The following BRINP3 variants were observed in gnomAD, a reference collection of about 807,000 sequenced individuals.
The protein encoded by BRINP3 is BMP/retinoic acid inducible neural specific 3.
A neutral mutation model predicts 71.0 loss-of-function variants in BRINP3; 19 were observed. The observed-to-expected ratio is 0.27, with a 90% CI of 0.19 to 0.39. BRINP3 has a LOEUF of 0.39. Among genes scored for constraint, BRINP3 ranks in the 10% least tolerant of loss-of-function variants. BRINP3 has a pLI of 1.00. For synonymous variants in BRINP3, 380 were observed against 337.7 expected (o/e 1.13, Z -1.37); for missense variants, 959 against 940.8 (o/e 1.02, Z -0.25).
At chr1:190,273,066 A>G (rs888502858) in intron 3 of BRINP3, among the ~76,000 whole-genome samples, 1 of 145,112 alleles carries the variant, frequency 6.9e-6, no homozygotes, top group Non-Finnish European at 1.5e-5. Flanking sequence ...TTTTTTTTTC[A>G]ATTGTGCATA....
chr1:190,287,180 T>C (rs1045992729), intron 2 of BRINP3, among the ~76,000 whole-genome samples: 3 of 152,026 alleles, frequency 2.0e-5, no homozygotes, highest in African/African-American at 7.2e-5. Flanking sequence ...GAGCCAAAAT[T>C]GTGCCACTGT....
intron 2 of BRINP3, among the ~76,000 whole-genome samples, chr1:190,308,126 G>T (rs1665246460): frequency 6.6e-6 from 1 of 151,844 alleles, no homozygotes; most frequent in African/African-American, 2.4e-5. Flanking sequence ...TAAAACTGTG[G>T]CTTCGATAGT....
chr1:190,146,515 T>C (rs572951263), intron 7 of BRINP3, among the ~76,000 whole-genome samples: 1 of 152,234 alleles, frequency 6.6e-6, no homozygotes, highest in South Asian at 2.1e-4. Context: ...TCACCACCAT[T>C]ACTATCATCA....
At chr1:190,468,656 A>G (rs1291075394) in intron 1 of BRINP3, among the ~76,000 whole-genome samples, 2 of 151,196 alleles carry the variant, frequency 1.3e-5, no homozygotes, top group Non-Finnish European at 1.5e-5. Context: ...ACACTTAATA[A>G]GACAATAATC....
chr1:190,133,658 A>G (rs1191825616), intron 7 of BRINP3, among the ~76,000 whole-genome samples: 1 of 152,148 alleles, frequency 6.6e-6, no homozygotes, highest in Admixed American at 6.6e-5. Flanking sequence ...GTAAAAATGC[A>G]AAAACATGAT....
intron 2 of BRINP3, among the ~76,000 whole-genome samples, chr1:190,415,571 T>C (rs1404684231): frequency 3.9e-5 from 6 of 152,172 alleles, no homozygotes; most frequent in Non-Finnish European, 5.9e-5. Context: ...ATATGAGCAC[T>C]GTATAAATGA....
intron 4 of BRINP3, among the ~76,000 whole-genome samples, chr1:190,239,199 G>A (rs773798142): frequency 6.6e-6 from 1 of 152,102 alleles, no homozygotes; most frequent in Non-Finnish European, 1.5e-5. Flanking sequence ...TTTGAGATGA[G>A]ATTTGGGTGA....
chr1:190,196,540 T>A (rs1571331124), intron 6 of BRINP3, among the ~76,000 whole-genome samples: 2 of 152,216 alleles, frequency 1.3e-5, no homozygotes, highest in African/African-American at 2.4e-5. Flanking sequence ...GAAGCACATA[T>A]CTAGGCGTTA....
At chr1:190,299,331 T>C (rs1173486853) in intron 2 of BRINP3, among the ~76,000 whole-genome samples, 1 of 151,974 alleles carries the variant, frequency 6.6e-6, no homozygotes, top group South Asian at 2.1e-4. Flanking sequence ...AAAACTTAAG[T>C]ACAATGCTTT....
intron 2 of BRINP3, among the ~76,000 whole-genome samples, chr1:190,337,434 A>G (rs978970094): frequency 1.3e-5 from 2 of 152,056 alleles, no homozygotes; most frequent in African/African-American, 2.4e-5. Context: ...CCCACCCTCA[A>G]TTTGGGTGGG....
intron 2 of BRINP3, among the ~76,000 whole-genome samples, chr1:190,283,133 G>A (rs1011827797): frequency 6.6e-6 from 1 of 151,932 alleles, no homozygotes; most frequent in African/African-American, 2.4e-5. Context: ...AATCACTTTT[G>A]AATCTAGGGA....
chr1:190,206,028 T>C (rs770329550), intron 6 of BRINP3, among the ~76,000 whole-genome samples: 7 of 151,960 alleles, frequency 4.6e-5, no homozygotes, highest in Non-Finnish European at 1.0e-4. Context: ...AAAAAAGAAA[T>C]CCTACTATAT....
chr1:190,222,936 T>A (rs1048858772), intron 6 of BRINP3, among the ~76,000 whole-genome samples: 1 of 151,602 alleles, frequency 6.6e-6, no homozygotes, highest in African/African-American at 2.4e-5. Context: ...AATGAATAAA[T>A]TCCTGGACAC....
chr1:190,388,495 A>G (rs1304445085), intron 2 of BRINP3, among the ~76,000 whole-genome samples: 1 of 151,864 alleles, frequency 6.6e-6, no homozygotes, highest in African/African-American at 2.4e-5. Context: ...AGTGAATGCC[A>G]TGTTATGACA....
At chr1:190,273,170 C>G (rs768914605) in intron 3 of BRINP3, among the ~76,000 whole-genome samples, 11 of 151,198 alleles carry the variant, frequency 7.3e-5, no homozygotes, top group African/African-American at 1.2e-4. Context: ...AACTTTTCCA[C>G]AAGTATTAAA....
At chr1:190,285,297 A>AAGTC (rs1277266985) in intron 2 of BRINP3, among the ~76,000 whole-genome samples, 10 of 152,146 alleles carry the variant, frequency 6.6e-5, no homozygotes, top group Non-Finnish European at 1.3e-4. Flanking sequence ...ATGACATTTT[A>AAGTC]AGTCACCGTG....
In BRINP3 at chr1:190,299,771, G is replaced by T. The variant is rs566788243; in HGVS notation, c.237-18021C>A. Among the ~76,000 whole-genome samples, 858 of 151,910 alleles carry T rather than the reference G, an allele frequency of 5.6e-3. 13 individuals carry two copies. Among genetic ancestry groups the T allele is most frequent in the African/African-American group, 0.019 (807 of 41,402 alleles). ...GTGGTGACAAATTCTCTCAGCATTT[G>T]CTTGTCTGTAAAGTATTTTATTTCT... On this transcript the variant is annotated intron_variant, in intron 2 of 7. Transcript: ENST00000367462.
chr1:190,205,291 G>A (rs1374648146), intron 6 of BRINP3, among the ~76,000 whole-genome samples: 6 of 143,370 alleles, frequency 4.2e-5, no homozygotes, highest in African/African-American at 7.8e-5. Context: ...GCCAGTAAGC[G>A]GTTGATATGG....
rs115550787 is a variant in BRINP3 at position 190,401,943 on chromosome 1, T to C, written c.236+52712A>G. Among the ~76,000 whole-genome samples, 1,491 of 152,098 alleles carry C rather than the reference T, an allele frequency of 9.8e-3. 18 individuals carry two copies. Among genetic ancestry groups the C allele is most frequent in the African/African-American group, 0.031 (1,280 of 41,524 alleles). On this transcript the variant is annotated intron_variant, in intron 2 of 7. Transcript: ENST00000367462. ...TTCAATTAGCAACTATATATATATA[T>C]ATTTGATATGAACAACTATATATAT...
Sources: gnomAD v4.1 joint callset for allele counts (sites outside exome capture counted in the v4.1 genomes callset) on GRCh38, gnomAD v4.1.1 for gene constraint, MANE v1.5 for transcripts, NCBI Gene and HGNC (gene_info 2026-07-23, HGNC 2026-07-21) for gene names.